Variants in ZNF577 observed in about 807,000 individuals in gnomAD.
The protein encoded by ZNF577 is zinc finger protein 577.
ZNF577 carries 14 observed loss-of-function variants against 13.9 expected under a neutral mutation model. That is an observed-to-expected ratio of 1.00 (90% CI 0.66 to 1.57). ZNF577 has a LOEUF of 1.57. Ranked by LOEUF, ZNF577 falls within the 40% of genes most tolerant of loss-of-function variation. ZNF577 has a pLI of 0.00. For missense variants in ZNF577, 555 were observed against 579.2 expected (o/e 0.96, Z 0.43); for synonymous variants, 203 against 202.9 (o/e 1.00, Z 0.00).
At position 51,867,500 on chromosome 19, in the gene ZNF577, C is replaced by T. The variant is rs367989930; in HGVS notation, c.*5032G>A. On this transcript the variant is annotated 3_prime_UTR_variant, in exon 6 of 6. Coordinates refer to ENST00000638348, the MANE Select transcript of ZNF577 (RefSeq NM_001370449.1). ...TTTTAAAAACACAAAGCTGGCCAGG[C>T]GCGGTGGCTCACACCTGTAATCCCA... 7.9e-5 allele frequency among the ~76,000 whole-genome samples: 12 copies of T among 151,830 alleles called. No individual in the cohort carries two copies. The highest frequency in any genetic ancestry group is 2.9e-4 in the African/African-American group (12 of 41,302).
At chr19:51,855,367 CTGTGTGTGTGTGTGTG>C (rs55937420) in intron 5 of ZNF577, among the ~76,000 whole-genome samples, 3 of 143,460 alleles carry the variant, frequency 2.1e-5, no homozygotes, top group African/African-American at 5.3e-5. Flanking sequence ...GCTGAGGGTG[CTGTGTGTGTGTGTGTG>C]TGTGTGTGTG....
intron 5 of ZNF577, among the ~76,000 whole-genome samples, chr19:51,850,024 A>G (rs1301150813): frequency 2.6e-5 from 4 of 152,234 alleles, no homozygotes; most frequent in African/African-American, 9.6e-5. Flanking sequence ...TAGACAGAGA[A>G]CTGATTTGTT....
At chr19:51,816,900 A>C (rs761723334) in intron 9 of ZNF577, among the ~76,000 whole-genome samples, 1 of 152,164 alleles carries the variant, frequency 6.6e-6, no homozygotes, top group Non-Finnish European at 1.5e-5. Flanking sequence ...GTGTAAATAG[A>C]GAAGTGAGTT....
chr19:51,824,446 T>C lies in ZNF577; in HGVS notation c.*600-12772A>G, dbSNP rs768258940. 1.2e-6 allele frequency: 2 copies of C among 1,613,996 alleles called. No individual in the cohort carries two copies. Among genetic ancestry groups the C allele is most frequent in the Admixed American group, 1.7e-5 (1 of 60,002 alleles). On this transcript the variant is annotated intron_variant and NMD_transcript_variant, in intron 9 of 10. Coordinates refer to the ZNF577 transcript ENST00000638827. This position sits in a 1 kb window ranked among gnomAD's most constrained non-coding sequence, Gnocchi z 4.7. ...GCTGCCAAAATTCACAGAAACCACA[T>C]GATTAAATCCAGCCGTCCCTTACGT... is the stretch of plus-strand genomic sequence containing the variant.
rs1339342963 is a variant in ZNF577, at chr19:51,872,346, C to T, written c.*186G>A. ...TTGAGATATCATCTCCAGGTAAAGA[C>T]TTCCTCATAACAGCTGCATTTCTAC... On this transcript the variant is annotated 3_prime_UTR_variant, in exon 6 of 6. Coordinates refer to ENST00000638348, the MANE Select transcript of ZNF577 (RefSeq NM_001370449.1). 3 of 525,326 alleles carry T rather than the reference C, an allele frequency of 5.7e-6. No homozygotes were observed. Among genetic ancestry groups the T allele is most frequent in the Admixed American group, 7.4e-5 (2 of 26,912 alleles). 32.5% of individuals were successfully genotyped at this position (525,326 alleles called of 1,614,324 possible). A position where few individuals can be genotyped will look rare whatever the true frequency, so the allele number is the denominator to read the frequency against.
chr19:51,824,876 CAG>C lies in ZNF577; in HGVS notation c.*600-13204_*600-13203del. The C allele has an allele frequency of 1.6e-6, 2 of 1,282,772 alleles. No individual in the cohort carries two copies. Among genetic ancestry groups the C allele is most frequent in the Non-Finnish European group, 1.1e-6 (1 of 936,834 alleles). 79.5% of individuals were successfully genotyped at this position (1,282,772 alleles called of 1,614,324 possible). On this transcript the variant is annotated intron_variant and NMD_transcript_variant, in intron 9 of 10. Transcript: ENST00000638827. The surrounding 1 kb of genome is among the most constrained non-coding windows in gnomAD (Gnocchi z 4.7). The stretch of plus-strand genomic sequence containing the variant: ...GTTAAGCGGAAAAAAAAAATTCTGA[CAG>C]TGTTTTTCTTCCTCTTTCATACCAC...
intron 10 of ZNF577, among the ~76,000 whole-genome samples, chr19:51,810,907 C>T (rs1209380314): frequency 1.3e-5 from 2 of 152,188 alleles, no homozygotes; most frequent in East Asian, 3.8e-4. Flanking sequence ...AGGGGCTCTC[C>T]AGCTATGGCA....
intron 9 of ZNF577, among the ~76,000 whole-genome samples, chr19:51,813,963 A>G (rs943032389): frequency 6.6e-6 from 1 of 152,186 alleles, no homozygotes; most frequent in Non-Finnish European, 1.5e-5. Flanking sequence ...TTCTGTGGTC[A>G]CTTTCAAGAA....
chr19:51,831,103 T>C (rs1599845220), intron 9 of ZNF577, among the ~76,000 whole-genome samples: 1 of 152,130 alleles, frequency 6.6e-6, no homozygotes, highest in East Asian at 1.9e-4. Context: ...AAGTAATTAT[T>C]GATTCTTTAT....
intron 4 of ZNF577, chr19:51,878,180 G>A (rs1176920895): frequency 3.0e-6 from 1 of 334,022 alleles, no homozygotes; most frequent in African/African-American, 2.1e-5. Context: ...AGTGTTGGTG[G>A]CTGCATAACA....
intron 5 of ZNF577, chr19:51,861,716 C>T (rs1244918872): frequency 6.6e-6 from 1 of 152,342 alleles, no homozygotes; most frequent in Non-Finnish European, 1.5e-5. Context: ...TTCACTGCAT[C>T]TATAGGGCCT....
chr19:51,823,313 G>A (rs1340313260), intron 9 of ZNF577, among the ~76,000 whole-genome samples: 1 of 152,202 alleles, frequency 6.6e-6, no homozygotes, highest in East Asian at 1.9e-4. Context: ...CTGGGAGACT[G>A]GGAGAGCATG....
Position 51,824,594 on chromosome 19 carries a change from C to A in ZNF577, c.*600-12920G>T. On this transcript the variant is annotated intron_variant and NMD_transcript_variant, in intron 9 of 10. Coordinates refer to the ZNF577 transcript ENST00000638827. The surrounding 1 kb of genome is among the most constrained non-coding windows in gnomAD (Gnocchi z 4.7). ...ATGGCAAATACAAAATCATTCTTGT[C>A]CTGATTAACCCAACAAGCTCCTTGG... 1 of 1,614,144 alleles carries A rather than the reference C, an allele frequency of 6.2e-7. No individual in the cohort carries two copies. The highest frequency in any genetic ancestry group is 8.5e-7 in the Non-Finnish European group (1 of 1,180,020).
intron 9 of ZNF577, among the ~76,000 whole-genome samples, chr19:51,821,983 AG>A (rs1465182065): frequency 6.6e-6 from 1 of 152,220 alleles, no homozygotes. Context: ...GCTTTTACAC[AG>A]AGAGATTCTA....
chr19:51,819,613 T>G (rs1269388110), intron 9 of ZNF577, among the ~76,000 whole-genome samples: 1 of 152,098 alleles, frequency 6.6e-6, no homozygotes, highest in African/African-American at 2.4e-5. Flanking sequence ...GTCATGTGTA[T>G]CCTTAGGAGA....
chr19:51,845,986 G>A (rs1599850818), intron 5 of ZNF577, among the ~76,000 whole-genome samples: 1 of 152,110 alleles, frequency 6.6e-6, no homozygotes. Flanking sequence ...TATGTGCCCA[G>A]TAGTAGGATT....
chr19:51,878,239 A>G, intron 4 of ZNF577, 150 bp downstream of exon 4: 1 of 833,168 alleles, frequency 1.2e-6, no homozygotes, highest in Non-Finnish European at 1.7e-6. Flanking sequence ...CTTATGGTTA[A>G]GACGGTAAAT....
intron 1 of ZNF577, among the ~76,000 whole-genome samples, chr19:51,885,882 C>A (rs1599881185): frequency 6.6e-6 from 1 of 152,080 alleles, no homozygotes; most frequent in African/African-American, 2.4e-5. Context: ...CTCCCATAAG[C>A]CATAACAATG....
Position 51,869,211 on chromosome 19 carries a change from C to T in ZNF577, c.*3321G>A, listed in dbSNP as rs2084615421. 6.6e-6 allele frequency among the ~76,000 whole-genome samples: 1 copy of T among 152,144 alleles called. No homozygotes were observed. On this transcript the variant is annotated 3_prime_UTR_variant, in exon 6 of 6. Transcript: ENST00000638348. The stretch of plus-strand genomic sequence containing the variant: ...AAGAGGAAGGCATCTGTCTCTTGCT[C>T]GTCCCTGGGAATGGAATGTCTTGGT...
Sources: gnomAD v4.1 joint callset for allele counts (sites outside exome capture counted in the v4.1 genomes callset) on GRCh38, gnomAD v4.1.1 for gene constraint, Gnocchi (gnomAD v3.1) non-coding constraint, MANE v1.5 for transcripts, NCBI Gene and HGNC (gene_info 2026-07-23, HGNC 2026-07-21) for gene names.